Variants in IQGAP1 observed in about 807,000 individuals in gnomAD.
IQGAP1 encodes the protein ras GTPase-activating-like protein IQGAP1.
IQGAP1 carries 66 observed loss-of-function variants against 215.6 expected under a neutral mutation model. The observed-to-expected ratio is 0.31, with a 90% CI of 0.25 to 0.38. The LOEUF is 0.38. Ranked by LOEUF, IQGAP1 falls within the 10% of genes least tolerant of loss-of-function variation. The pLI is 1.00. For missense variants in IQGAP1, 1,712 were observed against 1,997.1 expected, an observed-to-expected ratio of 0.86 and a Z score of 2.72; for synonymous variants, 772 against 728.7, an observed-to-expected ratio of 1.06 and a Z score of -0.96.
intron 15 of IQGAP1, among the ~76,000 whole-genome samples, chr15:90,461,122 C>T (rs1965755944): frequency 1.3e-5 from 2 of 151,420 alleles, no homozygotes; most frequent in African/African-American, 2.4e-5. Flanking sequence ...GCCTGGCCAA[C>T]ATGGTGAAAC....
chr15:90,422,680 AATTTTTGAGACAGAGTT>A (rs1965164058), intron 2 of IQGAP1, among the ~76,000 whole-genome samples: 4 of 121,684 alleles, frequency 3.3e-5, no homozygotes, highest in African/African-American at 1.4e-4. Flanking sequence ...ATATATATAT[AATTTTTGAGACAGAGTT>A]TGTATATATA....
intron 1 of IQGAP1, among the ~76,000 whole-genome samples, chr15:90,389,643 G>C (rs949489449): frequency 2.0e-5 from 3 of 151,992 alleles, no homozygotes; most frequent in African/African-American, 4.8e-5. Flanking sequence ...ACAGAGCCTT[G>C]AAGAATGCTG....
At chr15:90,486,921 A>G in intron 31 of IQGAP1, 33 bp from the exon 32 acceptor site, 1 of 1,605,950 alleles carries the variant, frequency 6.2e-7, no homozygotes, top group Non-Finnish European at 8.5e-7. Flanking sequence ...TCTCTTTATT[A>G]CGCTGACTCT....
At chr15:90,456,792 G>A (rs1965686843) in intron 15 of IQGAP1, among the ~76,000 whole-genome samples, 1 of 150,886 alleles carries the variant, frequency 6.6e-6, no homozygotes, top group Non-Finnish European at 1.5e-5. Context: ...GTAGGCTGAG[G>A]CACAGGAATT....
chr15:90,416,549 C>T (rs965788908), intron 2 of IQGAP1, among the ~76,000 whole-genome samples: 1 of 151,722 alleles, frequency 6.6e-6, no homozygotes, highest in African/African-American at 2.4e-5. Context: ...TATTTCTCCA[C>T]ATCCTCTCCA....
chr15:90,487,902 T>C (rs1253962678), intron 33 of IQGAP1, among the ~76,000 whole-genome samples: 3 of 152,088 alleles, frequency 2.0e-5, no homozygotes, highest in Admixed American at 2.0e-4. Context: ...CCAAAATCCA[T>C]AGATGTTGAA....
At chr15:90,497,045 A>C (rs1327617241) in intron 36 of IQGAP1, 187 bp from the exon 37 acceptor site, 5 of 483,684 alleles carry the variant, frequency 1.0e-5, no homozygotes, top group Non-Finnish European at 1.5e-5. Context: ...CCTCTCTCCA[A>C]GTCCCAGAGC....
Position 90,486,090 on chromosome 15 carries a change from C to T in IQGAP1, c.3982C>T (p.Leu1328=). ...GCACAATGATCCAATCCACGAACTG[C>T]TGGACGACCTCGGCGAGGTGCCCAC... The part of the protein sequence containing the change: ...PEHNDPIHEL[L]DDLGEVPTIE... Residue 1328 remains leucine (L), a synonymous_variant, in exon 31 of 38, where the codon CTG becomes TTG. Transcript: ENST00000268182. 6.2e-7 allele frequency: 1 copy of T among 1,614,008 alleles called. No homozygotes were observed. The highest frequency in any genetic ancestry group is 1.3e-5 in the African/African-American group (1 of 75,034).
intron 17 of IQGAP1, 108 bp downstream of exon 17, chr15:90,466,544 A>T: frequency 9.6e-7 from 1 of 1,036,472 alleles, no homozygotes; most frequent in Non-Finnish European, 1.5e-6. Context: ...TTTAGCATAG[A>T]TGTACAGTAC....
intron 33 of IQGAP1, among the ~76,000 whole-genome samples, chr15:90,488,019 G>T (rs1421175695): frequency 6.6e-6 from 1 of 151,996 alleles, no homozygotes; most frequent in Non-Finnish European, 1.5e-5. Context: ...TCAGGAGATT[G>T]TGACCATCCT....
intron 2 of IQGAP1, among the ~76,000 whole-genome samples, chr15:90,398,865 G>T (rs747321181): frequency 6.6e-6 from 1 of 151,970 alleles, no homozygotes; most frequent in Admixed American, 6.6e-5. Context: ...CATTAGTTGG[G>T]TATGGTGGCG....
At chr15:90,482,325 A>G in intron 28 of IQGAP1, 44 bp downstream of exon 28, 1 of 1,589,452 alleles carries the variant, frequency 6.3e-7, no homozygotes, top group South Asian at 1.1e-5. Flanking sequence ...TTGAGGACAA[A>G]GCAATAAAAC....
At chr15:90,427,049 T>C (rs1049407835) in intron 3 of IQGAP1, among the ~76,000 whole-genome samples, 4 of 151,814 alleles carry the variant, frequency 2.6e-5, no homozygotes, top group African/African-American at 9.7e-5. Context: ...GTAGGATCAC[T>C]TAAGACCAGG....
chr15:90,467,779 T>A (rs1965852059), intron 18 of IQGAP1, among the ~76,000 whole-genome samples, 187 bp downstream of exon 18: 1 of 152,188 alleles, frequency 6.6e-6, no homozygotes, highest in Non-Finnish European at 1.5e-5. Context: ...TTGTAAAACA[T>A]CTGAATTATA....
chr15:90,431,563 C>G (rs563803213), intron 4 of IQGAP1, among the ~76,000 whole-genome samples: 1 of 151,886 alleles, frequency 6.6e-6, no homozygotes, highest in South Asian at 2.1e-4. Context: ...ATTTTGTTAC[C>G]TTTTTTGGTT....
rs1219185433 is a variant in IQGAP1, at chr15:90,472,832, T to C, written c.2179-8T>C. ...GAATGTCTTTGAATGTGACCACTGC[T>C]TTTTCAGAGTTCTATCTCTGGGGTG... is the stretch of plus-strand genomic sequence containing the variant. On this transcript the variant is annotated splice_polypyrimidine_tract_variant and splice_region_variant and intron_variant, in intron 18 of 37. Transcript: ENST00000268182. The C allele has an allele frequency of 6.3e-7, 1 of 1,596,548 alleles. No homozygotes were observed. The highest frequency in any genetic ancestry group is 8.6e-7 in the Non-Finnish European group (1 of 1,169,498).
chr15:90,479,829 AG>A (rs1966032055), intron 26 of IQGAP1, among the ~76,000 whole-genome samples: 1 of 152,116 alleles, frequency 6.6e-6, no homozygotes, highest in African/African-American at 2.4e-5. Context: ...TCATTGCAAA[AG>A]TCTTTTTAAT....
chr15:90,489,155 G>C, intron 33 of IQGAP1, among the ~76,000 whole-genome samples: 1 of 146,988 alleles, frequency 6.8e-6, no homozygotes, highest in South Asian at 2.2e-4. Flanking sequence ...ATTTGAGACA[G>C]AGTCTCACTC....
At chr15:90,436,660 A>T (rs1175148924) in intron 5 of IQGAP1, among the ~76,000 whole-genome samples, 1 of 152,238 alleles carries the variant, frequency 6.6e-6, no homozygotes, top group African/African-American at 2.4e-5. Context: ...GCCTAACAGT[A>T]TATTTGTAGA....
Sources: allele counts gnomAD v4.1 joint callset (sites outside exome capture counted in the v4.1 genomes callset), GRCh38; gene constraint gnomAD v4.1.1; transcripts MANE v1.5; gene names NCBI Gene and HGNC (gene_info 2026-07-23, HGNC 2026-07-21).